The following PSD3 variants were observed in gnomAD, a reference collection of about 807,000 sequenced individuals.
PSD3 encodes PH and SEC7 domain-containing protein 3.
Under a neutral mutation model 105.5 loss-of-function variants are expected in PSD3, and 49 were observed. That is an observed-to-expected ratio of 0.46 (90% CI 0.37 to 0.59). The LOEUF (loss-of-function observed/expected upper bound fraction) is 0.59, where lower values mean the gene tolerates loss of function less well. Ranked by LOEUF, PSD3 falls within the 20% of genes least tolerant of loss-of-function variation. The pLI is 0.00. For missense variants in PSD3, 1,561 were observed against 1,263.8 expected (o/e 1.24, Z -3.57); for synonymous variants, 557 against 457.8 (o/e 1.22, Z -2.77).
intron 1 of PSD3, among the ~76,000 whole-genome samples, chr8:19,036,020 G>A (rs1228396950): frequency 6.6e-6 from 1 of 152,118 alleles, no homozygotes; most frequent in East Asian, 1.9e-4. Context: ...CTCCCAAAGT[G>A]CTGGGATTAC....
intron 12 of PSD3, among the ~76,000 whole-genome samples, chr8:18,598,603 T>C (rs973029837): frequency 8.5e-5 from 13 of 152,080 alleles, no homozygotes; most frequent in Non-Finnish European, 1.8e-4. Context: ...CCTTTCATGA[T>C]TTGAAAAACC....
chr8:18,708,246 C>T (rs1250690486), intron 9 of PSD3, among the ~76,000 whole-genome samples: 4 of 152,076 alleles, frequency 2.6e-5, no homozygotes, highest in Non-Finnish European at 5.9e-5. Flanking sequence ...GAAAAACCTT[C>T]CTTTTCTTTC....
chr8:18,999,435 T>C (rs2410597), intron 1 of PSD3, among the ~76,000 whole-genome samples: 147,768 of 151,862 alleles, frequency 0.97, 72,079 homozygotes, highest in East Asian at 1. Flanking sequence ...TCTGCCCACA[T>C]GACTGAGGTG....
chr8:18,671,608 G>A (rs547771646), intron 9 of PSD3, among the ~76,000 whole-genome samples: 24 of 151,968 alleles, frequency 1.6e-4, no homozygotes, highest in Admixed American at 2.0e-4. Flanking sequence ...TGTGTTCACA[G>A]TCATCTCCTG....
intron 12 of PSD3, among the ~76,000 whole-genome samples, chr8:18,593,240 T>C (rs1450283886): frequency 1.3e-5 from 2 of 152,180 alleles, no homozygotes; most frequent in African/African-American, 4.8e-5. Context: ...AAAGGGCTAA[T>C]ATCCAGAGTC....
At chr8:18,653,389 A>G (rs772875368) in intron 10 of PSD3, among the ~76,000 whole-genome samples, 2 of 151,842 alleles carry the variant, frequency 1.3e-5, no homozygotes, top group African/African-American at 2.4e-5. Flanking sequence ...AAGAAATTGG[A>G]GCTTTGAAAG....
At chr8:18,998,945 A>T (rs1417280017) in intron 1 of PSD3, among the ~76,000 whole-genome samples, 1 of 151,986 alleles carries the variant, frequency 6.6e-6, no homozygotes, top group African/African-American at 2.4e-5. Context: ...GTAGATGGAC[A>T]TGGTGGGTCC....
intron 1 of PSD3, among the ~76,000 whole-genome samples, chr8:18,984,373 C>A (rs1464281433): frequency 1.3e-5 from 2 of 151,972 alleles, no homozygotes; most frequent in Admixed American, 6.6e-5. Context: ...AACATAATGT[C>A]TTTACATTAT....
At chr8:18,772,532 G>A (rs369262875) in intron 8 of PSD3, among the ~76,000 whole-genome samples, 1 of 151,906 alleles carries the variant, frequency 6.6e-6, no homozygotes, top group Non-Finnish European at 1.5e-5. Flanking sequence ...TTTTGAAATG[G>A]AGTTTTGCTC....
chr8:18,565,187 C>A (rs1468732732), intron 14 of PSD3, among the ~76,000 whole-genome samples: 2 of 152,084 alleles, frequency 1.3e-5, no homozygotes, highest in Admixed American at 6.5e-5. Flanking sequence ...GCATTTTCTG[C>A]AAGTCCCGAC....
rs114742373 is a variant in PSD3, at chr8:18,948,381, G to A, written c.22-12239C>T. On this transcript the variant is annotated intron_variant, in intron 1 of 15. Transcript: ENST00000327040. ...CTTGGGGATTTAAGTCGGGTCACAT[G>A]AGGAAAAGCTGAAAACTACACAGAA... Among the ~76,000 whole-genome samples, 401 of 152,284 alleles carry A rather than the reference G, an allele frequency of 2.6e-3. 2 individuals carry two copies. The highest frequency in any genetic ancestry group is 9.2e-3 in the African/African-American group (383 of 41,544).
At chr8:18,944,481 G>C (rs1378566557) in intron 1 of PSD3, among the ~76,000 whole-genome samples, 1 of 152,086 alleles carries the variant, frequency 6.6e-6, no homozygotes, top group Non-Finnish European at 1.5e-5. Flanking sequence ...TGAGCGAGGA[G>C]AATCACTTGA....
At chr8:18,788,986 G>A (rs1232711969) in intron 8 of PSD3, among the ~76,000 whole-genome samples, 1 of 152,098 alleles carries the variant, frequency 6.6e-6, no homozygotes, top group East Asian at 1.9e-4. Flanking sequence ...TATTCAATGT[G>A]CTCTCTCACA....
intron 4 of PSD3, among the ~76,000 whole-genome samples, chr8:18,824,689 C>T (rs889011684): frequency 2.7e-4 from 41 of 152,086 alleles, no homozygotes; most frequent in African/African-American, 9.2e-4. Context: ...GTAAATGCTA[C>T]AAAGAAATGT....
chr8:19,000,320 C>T (rs1025927958), intron 1 of PSD3, among the ~76,000 whole-genome samples: 5 of 150,944 alleles, frequency 3.3e-5, no homozygotes, highest in African/African-American at 1.2e-4. Context: ...TAACTTGAGC[C>T]CAGGAGTTCG....
chr8:18,628,323 A>C (rs182055555), intron 11 of PSD3, among the ~76,000 whole-genome samples: 2 of 152,150 alleles, frequency 1.3e-5, no homozygotes, highest in East Asian at 3.9e-4. Flanking sequence ...AAAAATCTTG[A>C]AAGCATTCAT....
intron 1 of PSD3, among the ~76,000 whole-genome samples, chr8:19,013,226 A>G (rs1298585887): frequency 6.6e-6 from 1 of 151,926 alleles, no homozygotes; most frequent in Admixed American, 6.6e-5. Context: ...GTCCCTAAAT[A>G]CAAGCTGACC....
chr8:18,590,741 A>G (rs1803540160), intron 12 of PSD3, among the ~76,000 whole-genome samples: 1 of 152,194 alleles, frequency 6.6e-6, no homozygotes. Flanking sequence ...TGATAAATCT[A>G]TTTAACAAAA....
intron 4 of PSD3, among the ~76,000 whole-genome samples, chr8:18,822,579 G>A (rs1310042741): frequency 3.3e-5 from 5 of 152,140 alleles, no homozygotes; most frequent in African/African-American, 7.2e-5. Context: ...TCCCTCCTAC[G>A]CCAATATCTC....
Sources: allele counts gnomAD v4.1 joint callset (sites outside exome capture counted in the v4.1 genomes callset), GRCh38; gene constraint gnomAD v4.1.1; transcripts MANE v1.5; gene names NCBI Gene and HGNC (gene_info 2026-07-23, HGNC 2026-07-21).